The following FUT8 variants were observed in gnomAD, a reference collection of about 807,000 sequenced individuals.
FUT8 encodes the protein alpha-(1,6)-fucosyltransferase.
Under a neutral mutation model 71.3 loss-of-function variants are expected in FUT8, and 29 were observed. That is an observed-to-expected ratio of 0.41 (90% CI 0.30 to 0.55). The LOEUF is 0.55. Ranked by LOEUF, FUT8 falls within the 20% of genes least tolerant of loss-of-function variation. The pLI is 0.34. For synonymous variants in FUT8, 254 were observed against 239.3 expected (o/e 1.06, Z -0.57); for missense variants, 544 against 702.1 (o/e 0.77, Z 2.55).
rs1555383259 is a variant in FUT8, at chr14:65,677,151, T to TGCGC, written c.835+7678_835+7681dup. Among the ~76,000 whole-genome samples the TGCGC allele has an allele frequency of 8.8e-3, 971 of 110,692 alleles. 7 individuals carry two copies. The highest frequency in any genetic ancestry group is 0.02 in the East Asian group (80 of 3,954). The allele number at this position is 110,692 out of a possible 152,430, so 72.6% of individuals were successfully genotyped here. A position where few individuals can be genotyped will look rare whatever the true frequency, so the allele number is the denominator to read the frequency against. On this transcript the variant is annotated intron_variant, in intron 7 of 10. Coordinates refer to ENST00000673929, the MANE Select transcript of FUT8 (RefSeq NM_001371533.1). ...GTGTGTGTGTGTGTGTGTGTGTGTG[T>TGCGC]GCGCGCGCGCATGCGCGCGCACGTA...
In FUT8 at chr14:65,724,169, A is replaced by T. The variant is rs1895564584; in HGVS notation, c.1105A>T (p.Lys369Ter). The change falls in exon 9 of 11, where the codon AAA becomes TAA. Residue 369 changes from lysine (K) to a stop codon, truncating the protein, a stop_gained. Transcript: ENST00000673929. LOFTEE classifies it high-confidence loss of function. ...CAGAGTCCATGTCAGACGCACAGAC[A>T]AAGTGGGAACAGAAGCTGCCTTCCA... ...VIGVHVRRTD[K>*]VGTEAAFHPI... The T allele has an allele frequency of 6.2e-7, 1 of 1,601,894 alleles. No individual in the cohort carries two copies. The highest frequency in any genetic ancestry group is 8.5e-7 in the Non-Finnish European group (1 of 1,176,310).
Position 65,485,782 on chromosome 14 carries a change from C to A in FUT8, c.-228+30064C>A, listed in dbSNP as rs1190529470. 2.6e-5 allele frequency among the ~76,000 whole-genome samples: 4 copies of A among 152,134 alleles called. No homozygotes were observed. The East Asian group carries it at 7.7e-4, about 29-fold the overall frequency. On this transcript the variant is annotated intron_variant, in intron 2 of 10. Transcript: ENST00000673929. ...ACTCTAAGCTCTTCTGTTTCATCAA[C>A]TCAAGTTAGTTTATCCACGCACCTA...
intron 2 of FUT8, among the ~76,000 whole-genome samples, chr14:65,474,946 T>TC (rs1380126125): frequency 1.3e-5 from 2 of 152,204 alleles, no homozygotes; most frequent in Admixed American, 6.5e-5. Context: ...GCCTCGGCCT[T>TC]CCAAAGTGTT....
intron 9 of FUT8, among the ~76,000 whole-genome samples, chr14:65,730,873 G>C (rs775816454): frequency 1.3e-5 from 2 of 152,162 alleles, no homozygotes; most frequent in Non-Finnish European, 2.9e-5. Context: ...TAGGGATGGG[G>C]TTAAAATAGG....
At chr14:65,532,855 T>C (rs1280222737) in intron 2 of FUT8, among the ~76,000 whole-genome samples, 2 of 152,250 alleles carry the variant, frequency 1.3e-5, no homozygotes, top group African/African-American at 4.8e-5. Flanking sequence ...TGCATACGGC[T>C]AGCCGGTTAT....
At position 65,650,287 on chromosome 14, in the gene FUT8, A is replaced by AG. The variant is rs1260883441; in HGVS notation, c.598-18955dup. 3.5e-5 allele frequency among the ~76,000 whole-genome samples: 4 copies of AG among 115,654 alleles called. No homozygotes were observed. The South Asian group carries it at 1.0e-3, about 29-fold the overall frequency. The allele number at this position is 115,654 out of a possible 152,430, so 75.9% of individuals were successfully genotyped here. On this transcript the variant is annotated intron_variant, in intron 6 of 10. Transcript: ENST00000673929. Reference sequence around the variant, plus strand: ...GCACTCCAGCCTGGGTGACAGAGTGAGACTCTGTCTCAAAAAAAAAAAAAA... The same window carrying AG: ...GCACTCCAGCCTGGGTGACAGAGTGAGGACTCTGTCTCAAAAAAAAAAAAAA...
chr14:65,413,417 G>T lies in FUT8; in HGVS notation c.-326+203G>T, dbSNP rs942993984. Among the ~76,000 whole-genome samples, 1 of 152,074 alleles carries T rather than the reference G, an allele frequency of 6.6e-6. No individual in the cohort carries two copies. The highest frequency in any genetic ancestry group is 2.4e-5 in the African/African-American group (1 of 41,390). On this transcript the variant is annotated intron_variant, in intron 1 of 10. Transcript: ENST00000673929. This position sits in a 1 kb window ranked among gnomAD's most constrained non-coding sequence, Gnocchi z 4.1. ...CTGGCGGATGCCTTGGCGCAGCCCC[G>T]GGGGCGCGGGCAGAGGGTGAGGGGC... is the stretch of plus-strand genomic sequence containing the variant.
chr14:65,510,055 A>G lies in FUT8; in HGVS notation c.-227-51282A>G, dbSNP rs561065793. On this transcript the variant is annotated intron_variant, in intron 2 of 10. Coordinates refer to ENST00000673929, the MANE Select transcript of FUT8 (RefSeq NM_001371533.1). ...TTTCAGTTTTTCCCCATTCAGTGTG[A>G]TACTAGTTGTGGGTCTTTTGTATAT... 7.2e-5 allele frequency among the ~76,000 whole-genome samples: 11 copies of G among 152,222 alleles called. No homozygotes were observed. In the South Asian group the frequency reaches 2.1e-3, roughly 29 times the overall value.
chr14:65,666,466 C>T (rs1299073550), intron 6 of FUT8, among the ~76,000 whole-genome samples: 3 of 152,112 alleles, frequency 2.0e-5, no homozygotes, highest in African/African-American at 7.2e-5. Context: ...CATACAACCT[C>T]CCAAGACTGA....
At chr14:65,615,703 T>C (rs1352853893) in intron 3 of FUT8, among the ~76,000 whole-genome samples, 1 of 152,184 alleles carries the variant, frequency 6.6e-6, no homozygotes, top group Non-Finnish European at 1.5e-5. Flanking sequence ...GGATGAAAGA[T>C]TTTTAGGAAA....
intron 7 of FUT8, among the ~76,000 whole-genome samples, chr14:65,708,963 T>C (rs1265864334): frequency 2.6e-5 from 4 of 152,312 alleles, no homozygotes; most frequent in Admixed American, 1.3e-4. Context: ...CAGTTAATAA[T>C]AATGTATATT....
chr14:65,411,572 CCTTT>C (rs1292825058), upstream of FUT8: 31 of 175,408 alleles, frequency 1.8e-4, no homozygotes, highest in African/African-American at 7.2e-4. Context: ...TCTTAAATCT[CCTTT>C]CTGTGATCTT....
At chr14:65,503,641 C>T (rs1040446361) in intron 2 of FUT8, among the ~76,000 whole-genome samples, 1 of 152,172 alleles carries the variant, frequency 6.6e-6, no homozygotes, top group African/African-American at 2.4e-5. Context: ...TCTCTCTGCC[C>T]TTCCCTCCCT....
At chr14:65,543,393 A>G (rs948277483) in intron 2 of FUT8, among the ~76,000 whole-genome samples, 1 of 152,232 alleles carries the variant, frequency 6.6e-6, no homozygotes, top group Non-Finnish European at 1.5e-5. Flanking sequence ...GGCTTATTCA[A>G]CAAATACTAA....
intron 7 of FUT8, among the ~76,000 whole-genome samples, chr14:65,712,511 G>T (rs902185914): frequency 1.3e-5 from 2 of 152,128 alleles, no homozygotes; most frequent in African/African-American, 2.4e-5. Context: ...ATGGCATGAT[G>T]TCGGCTCACT....
chr14:65,407,955 A>G (rs2065093935), upstream of FUT8, among the ~76,000 whole-genome samples: 1 of 152,098 alleles, frequency 6.6e-6, no homozygotes. Context: ...TGGACTGAAA[A>G]TCCTTTCCTT....
chr14:65,386,348 A>C, the FUT8 span, among the ~76,000 whole-genome samples: 1 of 151,286 alleles, frequency 6.6e-6, no homozygotes, highest in African/African-American at 2.4e-5. Context: ...CTGTTTCTGC[A>C]AAAAAATTAG....
In FUT8 at chr14:65,595,602, C is replaced by CTTTTTTT. The variant is rs34129010; in HGVS notation, c.204-20358_204-20352dup. The stretch of plus-strand genomic sequence containing the variant: ...GACGATTTATCTTCTACACCATTCT[C>CTTTTTTT]TTTTTTTTTTTTTTTTTTTTTTTTG... On this transcript the variant is annotated intron_variant, in intron 3 of 10. Transcript: ENST00000673929. 9.8e-4 allele frequency among the ~76,000 whole-genome samples: 80 copies of CTTTTTTT among 81,758 alleles called. 1 individual carries two copies. The highest frequency in any genetic ancestry group is 3.4e-3 in the East Asian group (9 of 2,662). The allele number at this position is 81,758 out of a possible 152,430, so 53.6% of individuals were successfully genotyped here. A position where few individuals can be genotyped will look rare whatever the true frequency, so the allele number is the denominator to read the frequency against.
At position 65,588,962 on chromosome 14, in the gene FUT8, A is replaced by G. The variant is rs199742616; in HGVS notation, c.204-27016A>G. On this transcript the variant is annotated intron_variant, in intron 3 of 10. Transcript: ENST00000673929. The stretch of plus-strand genomic sequence containing the variant: ...TCCCCACAAATAAGAGGGAACTACT[A>G]TGTCACATTTTCCTTTTCTTTCTCA... 2.0e-5 allele frequency among the ~76,000 whole-genome samples: 3 copies of G among 152,182 alleles called. No individual in the cohort carries two copies. In the East Asian group the frequency reaches 5.8e-4, roughly 29 times the overall value.
Sources: gnomAD v4.1 joint callset for allele counts (sites outside exome capture counted in the v4.1 genomes callset) on GRCh38, gnomAD v4.1.1 for gene constraint, Gnocchi (gnomAD v3.1) non-coding constraint, MANE v1.5 for transcripts, NCBI Gene and HGNC (gene_info 2026-07-23, HGNC 2026-07-21) for gene names.